Variants in CDK15 observed in about 807,000 individuals in gnomAD.
CDK15 encodes the protein cyclin dependent kinase 15.
Under a neutral mutation model 60.3 loss-of-function variants are expected in CDK15, and 62 were observed. The ratio of observed to expected loss-of-function variants is 1.03; its 90% CI spans 0.84 to 1.27. The LOEUF (loss-of-function observed/expected upper bound fraction) is 1.27, where lower values mean the gene tolerates loss of function less well. CDK15 is among the 50% of genes most tolerant of loss of function. The probability of loss-of-function intolerance (pLI) is 0.00; values close to 1 mark genes in which losing one functional copy is unlikely to be tolerated. For missense variants in CDK15, 541 were observed against 527.8 expected, an observed-to-expected ratio of 1.03 and a Z score of -0.25; for synonymous variants, 194 against 195.7, an observed-to-expected ratio of 0.99 and a Z score of 0.07.
intron 9 of CDK15, among the ~76,000 whole-genome samples, chr2:201,853,008 A>G (rs972435926): frequency 6.6e-6 from 1 of 152,182 alleles, no homozygotes; most frequent in Non-Finnish European, 1.5e-5. Flanking sequence ...TTTTCTCTTC[A>G]TTATCTTTGC....
chr2:201,848,573 C>T lies in CDK15; in HGVS notation c.945+1099C>T, dbSNP rs533741825. Among the ~76,000 whole-genome samples the T allele has an allele frequency of 5.9e-5, 9 of 152,166 alleles. No individual in the cohort carries two copies. In the South Asian group the frequency reaches 1.9e-3, roughly 32 times the overall value. Reference sequence around the variant, plus strand: ...CTTCCCTCCCCACACTCCCCTAGCCCCTAGTAACCTCTAATCTACTTTCTG... The same window carrying T: ...CTTCCCTCCCCACACTCCCCTAGCCTCTAGTAACCTCTAATCTACTTTCTG... On this transcript the variant is annotated intron_variant, in intron 9 of 13. Transcript: ENST00000652192.
At chr2:201,861,428 T>C (rs1698386236) in intron 10 of CDK15, 1 of 985,320 alleles carries the variant, frequency 1.0e-6, no homozygotes, top group South Asian at 4.7e-5. Flanking sequence ...TCATGTTGTA[T>C]CCCTCTGTCT....
At chr2:201,835,946 TTA>T (rs1459236086) in intron 8 of CDK15, among the ~76,000 whole-genome samples, 183 bp downstream of exon 8, 2 of 113,188 alleles carry the variant, frequency 1.8e-5, no homozygotes, top group African/African-American at 3.1e-5. Flanking sequence ...ATTTATATAT[TTA>T]TATATATTTG....
chr2:201,885,919 T>A (rs1374893715), intron 12 of CDK15, among the ~76,000 whole-genome samples: 5 of 152,184 alleles, frequency 3.3e-5, no homozygotes, highest in African/African-American at 4.8e-5. Context: ...CAGCTGGAAG[T>A]CAGGTAGGCT....
At chr2:201,875,622 G>A (rs1699047835) in intron 11 of CDK15, among the ~76,000 whole-genome samples, 1 of 152,182 alleles carries the variant, frequency 6.6e-6, no homozygotes, top group Non-Finnish European at 1.5e-5. Flanking sequence ...AACGATAACA[G>A]CCAGTAAAAT....
At chr2:201,831,074 G>A (rs1428568376) in intron 6 of CDK15, among the ~76,000 whole-genome samples, 1 of 152,174 alleles carries the variant, frequency 6.6e-6, no homozygotes, top group Non-Finnish European at 1.5e-5. Context: ...CTAAACAGAG[G>A]AAGCACAGAA....
chr2:201,812,937 G>T (rs778986065), intron 4 of CDK15, among the ~76,000 whole-genome samples: 1 of 152,126 alleles, frequency 6.6e-6, no homozygotes, highest in Non-Finnish European at 1.5e-5. Context: ...AACATAACAT[G>T]TTGTTAGCTA....
intron 6 of CDK15, among the ~76,000 whole-genome samples, chr2:201,833,103 T>C (rs1360498870): frequency 6.6e-6 from 1 of 152,170 alleles, no homozygotes; most frequent in Non-Finnish European, 1.5e-5. Context: ...CATTTTTAAT[T>C]TGGGGCTCAG....
chr2:201,861,043 G>A (rs1379218316), intron 10 of CDK15: 29 of 1,137,496 alleles, frequency 2.5e-5, no homozygotes, highest in Non-Finnish European at 3.2e-5. Context: ...TTAGCCAAGG[G>A]AGTTATTCAG....
chr2:201,829,035 A>G (rs1442050502), intron 6 of CDK15, among the ~76,000 whole-genome samples: 1 of 152,200 alleles, frequency 6.6e-6, no homozygotes, highest in Non-Finnish European at 1.5e-5. Context: ...TTAGTTGAAG[A>G]TCAAATATAT....
chr2:201,855,476 G>A (rs958315468), intron 10 of CDK15, among the ~76,000 whole-genome samples: 1 of 152,154 alleles, frequency 6.6e-6, no homozygotes, highest in Non-Finnish European at 1.5e-5. Context: ...TGGCTTCTGG[G>A]ATCGATTTAG....
chr2:201,879,830 A>G (rs1271404577), intron 11 of CDK15, among the ~76,000 whole-genome samples, 198 bp from the exon 12 acceptor site: 1 of 152,170 alleles, frequency 6.6e-6, no homozygotes, highest in Non-Finnish European at 1.5e-5. Flanking sequence ...TTCCCCTTCA[A>G]CTTAGTAACA....
chr2:201,831,603 C>G (rs948032487), intron 6 of CDK15, among the ~76,000 whole-genome samples: 3 of 152,108 alleles, frequency 2.0e-5, no homozygotes, highest in Non-Finnish European at 4.4e-5. Context: ...ACCTTAATAC[C>G]GCAGTGCTTT....
chr2:201,868,703 CA>C (rs1161179778), intron 10 of CDK15, among the ~76,000 whole-genome samples: 1 of 149,954 alleles, frequency 6.7e-6, no homozygotes, highest in African/African-American at 2.5e-5. Flanking sequence ...AAAAAACCAT[CA>C]AAAAGTAGGC....
chr2:201,828,440 GA>G (rs536201599), intron 6 of CDK15, among the ~76,000 whole-genome samples: 1 of 150,228 alleles, frequency 6.7e-6, no homozygotes, highest in Non-Finnish European at 1.5e-5. Flanking sequence ...TAGAGCATCT[GA>G]AAAAAAAATA....
At chr2:201,860,966 CTG>C in intron 10 of CDK15, 1 of 1,224,578 alleles carries the variant, frequency 8.2e-7, no homozygotes, top group Non-Finnish European at 1.0e-6. Flanking sequence ...GAGCAAGTCT[CTG>C]TGTTTGCTGT....
At chr2:201,870,353 T>A (rs1698804690) in intron 10 of CDK15, among the ~76,000 whole-genome samples, 1 of 152,152 alleles carries the variant, frequency 6.6e-6, no homozygotes, top group South Asian at 2.1e-4. Flanking sequence ...TTAAATTCTT[T>A]GTTGTGATGA....
intron 10 of CDK15, among the ~76,000 whole-genome samples, chr2:201,857,287 A>AT (rs1372271659): frequency 1.4e-5 from 2 of 146,056 alleles, no homozygotes; most frequent in Admixed American, 1.4e-4. Context: ...AATATGTTAC[A>AT]TTTTAAAAAA....
At chr2:201,855,824 CTT>C (rs570053529) in intron 10 of CDK15, among the ~76,000 whole-genome samples, 14 of 133,966 alleles carry the variant, frequency 1.0e-4, no homozygotes, top group Non-Finnish European at 1.3e-4. Flanking sequence ...GTTGTCCTTA[CTT>C]TTTTTTTTTT....
Sources: gnomAD v4.1 joint callset for allele counts (sites outside exome capture counted in the v4.1 genomes callset) on GRCh38, gnomAD v4.1.1 for gene constraint, MANE v1.5 for transcripts, NCBI Gene and HGNC (gene_info 2026-07-23, HGNC 2026-07-21) for gene names.